The following PAX2 variants were observed in gnomAD, a reference collection of about 807,000 sequenced individuals.
The protein encoded by PAX2 is paired box 2.
A neutral mutation model predicts 41.7 loss-of-function variants in PAX2; 9 were observed. The ratio of observed to expected loss-of-function variants is 0.22; its 90% confidence interval spans 0.13 to 0.38. PAX2 has a LOEUF of 0.38. Ranked by LOEUF, PAX2 falls within the 10% of genes least tolerant of loss-of-function variation. PAX2 has a pLI of 1.00. For synonymous variants in PAX2, 221 were observed against 212.7 expected, an observed-to-expected ratio of 1.04 and a Z score of -0.34; for missense variants, 418 against 531.6, an observed-to-expected ratio of 0.79 and a Z score of 2.10.
At chr10:100,771,810 T>C (rs1351250056) in intron 3 of PAX2, among the ~76,000 whole-genome samples, 1 of 143,490 alleles carries the variant, frequency 7.0e-6, no homozygotes, top group East Asian at 1.9e-4. Context: ...GCAAATATCT[T>C]CTTTTTTTTT....
At chr10:100,777,292 G>A (rs1846429964) in intron 3 of PAX2, among the ~76,000 whole-genome samples, 1 of 151,460 alleles carries the variant, frequency 6.6e-6, no homozygotes, top group Admixed American at 6.6e-5. Flanking sequence ...GTAGAGTTGG[G>A]GTTTCACCAT....
intron 7 of PAX2, among the ~76,000 whole-genome samples, chr10:100,822,409 TA>T (rs891830750): frequency 2.6e-5 from 4 of 151,974 alleles, no homozygotes; most frequent in Admixed American, 6.6e-5. Context: ...CATGAAACAA[TA>T]AAAAAAATGA....
intron 7 of PAX2, among the ~76,000 whole-genome samples, chr10:100,818,329 T>C (rs971566197): frequency 1.9e-4 from 29 of 152,226 alleles, no homozygotes; most frequent in South Asian, 6.2e-4. Context: ...GCTTCCTTTT[T>C]ATTTCCTTGA....
In PAX2 at chr10:100,746,232, C is replaced by T. The variant is rs762430219; in HGVS notation, c.-29C>T. On this transcript the variant is annotated 5_prime_UTR_variant, in exon 1 of 10. Transcript: ENST00000355243. The stretch of plus-strand genomic sequence containing the variant: ...TTGAGAGGCGACACGGCGGCGGCGG[C>T]CGCGCTGCTCCCGCTCCTCTGCCTC... 7 of 1,613,246 alleles carry T rather than the reference C, an allele frequency of 4.3e-6. No homozygotes were observed. Among genetic ancestry groups the T allele is most frequent in the Admixed American group, 3.3e-5 (2 of 60,026 alleles).
At chr10:100,799,809 T>G (rs1471158975) in intron 5 of PAX2, among the ~76,000 whole-genome samples, 2 of 149,072 alleles carry the variant, frequency 1.3e-5, no homozygotes, top group East Asian at 3.9e-4. Context: ...TTTTTTTTTT[T>G]TCTGAGACAG....
At position 100,750,928 on chromosome 10, in the gene PAX2, A is replaced by G. The variant is rs748008779; in HGVS notation, c.410+37A>G. Reference sequence around the variant, plus strand: ...ACCCGGGTTTTCAGGGCTGGACTCCAGCTCCTGGCTCCTGCCTGCAGGGGT... The same window carrying G: ...ACCCGGGTTTTCAGGGCTGGACTCCGGCTCCTGGCTCCTGCCTGCAGGGGT... On this transcript the variant is annotated intron_variant, in intron 3 of 9. Coordinates refer to ENST00000355243, the MANE Select transcript of PAX2 (RefSeq NM_000278.5). This position sits in a 1 kb window ranked among gnomAD's most constrained non-coding sequence, Gnocchi z 4.1. The G allele has an allele frequency of 9.2e-6, 14 of 1,522,576 alleles. No individual in the cohort carries two copies. The Admixed American group carries it at 2.2e-4, about 24-fold the overall frequency. The allele number at this position is 1,522,576 out of a possible 1,614,324, so 94.3% of individuals were successfully genotyped here. A position where few individuals can be genotyped will look rare whatever the true frequency, so the allele number is the denominator to read the frequency against.
At chr10:100,746,379 G>A (rs1204414753) in intron 1 of PAX2, 76 bp downstream of exon 1, 7 of 1,028,544 alleles carry the variant, frequency 6.8e-6, no homozygotes, top group South Asian at 1.3e-5. Flanking sequence ...GCGTGGCCCC[G>A]GCCCCTCGCG....
Position 100,748,370 on chromosome 10 carries a change from C to G in PAX2, c.44-1376C>G, listed in dbSNP as rs1412812900. 3.0e-6 allele frequency: 3 copies of G among 984,160 alleles called. No individual in the cohort carries two copies. The highest frequency in any genetic ancestry group is 2.3e-4 in the East Asian group (2 of 8,770). 61.0% of individuals were successfully genotyped at this position (984,160 alleles called of 1,614,324 possible). ...GTAAAAGAAGGGGCTTCAGTCTCTC[C>G]CAGCAACGCGATCAGAGGTCTTTCC... On this transcript the variant is annotated intron_variant, in intron 1 of 9. Transcript: ENST00000355243. The surrounding 1 kb of genome is among the most constrained non-coding windows in gnomAD (Gnocchi z 5.0).
At position 100,748,689 on chromosome 10, in the gene PAX2, C is replaced by T. The variant is rs1342997132; in HGVS notation, c.44-1057C>T. On this transcript the variant is annotated intron_variant, in intron 1 of 9. Coordinates refer to ENST00000355243, the MANE Select transcript of PAX2 (RefSeq NM_000278.5). The surrounding 1 kb of genome is among the most constrained non-coding windows in gnomAD (Gnocchi z 5.0). ...CAGGCCTGGCACCCAGTGGCCGCCT[C>T]GGTTCCGAGATCGGGAGCCCGCGCT... 10 of 985,308 alleles carry T rather than the reference C, an allele frequency of 1.0e-5. No homozygotes were observed. The highest frequency in any genetic ancestry group is 1.7e-5 in the African/African-American group (1 of 57,238). 61.0% of individuals were successfully genotyped at this position (985,308 alleles called of 1,614,324 possible). A position where few individuals can be genotyped will look rare whatever the true frequency, so the allele number is the denominator to read the frequency against.
chr10:100,764,659 T>C (rs1276980726), intron 3 of PAX2, among the ~76,000 whole-genome samples: 3 of 151,668 alleles, frequency 2.0e-5, no homozygotes, highest in East Asian at 3.9e-4. Context: ...TTTGTCAACT[T>C]TGAGAGCCCA....
At chr10:100,756,959 A>G (rs1283226880) in intron 3 of PAX2, among the ~76,000 whole-genome samples, 1 of 152,260 alleles carries the variant, frequency 6.6e-6, no homozygotes, top group Non-Finnish European at 1.5e-5. Context: ...CTCACAACCA[A>G]TGCCCAAATA....
At chr10:100,763,759 T>A (rs1845915018) in intron 3 of PAX2, among the ~76,000 whole-genome samples, 1 of 152,234 alleles carries the variant, frequency 6.6e-6, no homozygotes, top group African/African-American at 2.4e-5. Flanking sequence ...GCTAAGCACC[T>A]ACTATGTGCT....
At chr10:100,809,465 G>A (rs1283121761) in intron 7 of PAX2, among the ~76,000 whole-genome samples, 1 of 152,224 alleles carries the variant, frequency 6.6e-6, no homozygotes, top group Non-Finnish European at 1.5e-5. Flanking sequence ...ATGCTAGGAG[G>A]GGCTGTTGCC....
In PAX2 at chr10:100,779,500, T is replaced by C; in HGVS notation, c.413T>C (p.Ile138Thr). 1 of 1,589,716 alleles carries C rather than the reference T, an allele frequency of 6.3e-7. No homozygotes were observed. ...ATGCTGTTGTGACGCTGTTGCAGAATCATCCGGACCAAAGTTCAGCAGCCT... is the reference window on the plus strand; with the variant it reads ...ATGCTGTTGTGACGCTGTTGCAGAACCATCCGGACCAAAGTTCAGCAGCCT... ...TVPSVSSINR[I>T]IRTKVQQPFH... Residue 138 changes from isoleucine (I) to threonine (T), a missense_variant and splice_region_variant, in exon 4 of 10, where the codon ATC (isoleucine) becomes ACC (threonine). Physicochemically the swap from Ile to Thr is moderately conservative, Grantham distance 89. This residue lies in a region of PAX2 where 108 missense variants were observed against 206.3 expected (regional missense o/e 0.52). Transcript: ENST00000355243.
At chr10:100,806,634 G>A (rs1036243984) in intron 6 of PAX2, 29 bp downstream of exon 6, 12 of 1,605,056 alleles carry the variant, frequency 7.5e-6, no homozygotes, top group Non-Finnish European at 1.0e-5. Flanking sequence ...GCTTGCAGAA[G>A]TAGAAAGGAG....
At chr10:100,819,545 G>C (rs1848312251) in intron 7 of PAX2, among the ~76,000 whole-genome samples, 1 of 152,172 alleles carries the variant, frequency 6.6e-6, no homozygotes, top group Non-Finnish European at 1.5e-5. Context: ...TCTCCAGCCT[G>C]GGTGACGAGA....
rs1281133090 is a variant in PAX2 at position 100,826,706 on chromosome 10, A to G, written c.1022-303A>G. On this transcript the variant is annotated intron_variant, in intron 8 of 9. Transcript: ENST00000355243. This position sits in a 1 kb window ranked among gnomAD's most constrained non-coding sequence, Gnocchi z 5.5. ...AGCGCGACAGGGTGGACGCGCCCCAATACAAACCCTTCGTGGGTGGCCGCG... is the reference window on the plus strand; with the variant it reads ...AGCGCGACAGGGTGGACGCGCCCCAGTACAAACCCTTCGTGGGTGGCCGCG... Among the ~76,000 whole-genome samples the G allele has an allele frequency of 6.6e-6, 1 of 152,116 alleles. No homozygotes were observed. Among genetic ancestry groups the G allele is most frequent in the East Asian group, 1.9e-4 (1 of 5,174 alleles).
chr10:100,755,203 T>C (rs961540601), intron 3 of PAX2, among the ~76,000 whole-genome samples: 4 of 152,238 alleles, frequency 2.6e-5, no homozygotes, highest in South Asian at 2.1e-4. Context: ...CCTCTTTTTG[T>C]TTTTGTAGTT....
chr10:100,779,658 G>A, intron 4 of PAX2, 75 bp downstream of exon 4: 1 of 1,199,420 alleles, frequency 8.3e-7, no homozygotes, highest in Non-Finnish European at 1.2e-6. Context: ...CCACCCCTGG[G>A]AACTGCCTGC....
Sources: allele counts gnomAD v4.1 joint callset (sites outside exome capture counted in the v4.1 genomes callset), GRCh38; gene constraint gnomAD v4.1.1; regional missense constraint gnomAD v4.1.1; non-coding constraint Gnocchi (gnomAD v3.1); transcripts MANE v1.5; gene names NCBI Gene and HGNC (gene_info 2026-07-23, HGNC 2026-07-21).